Variants in PBX3 observed in about 807,000 individuals in gnomAD.
PBX3 encodes the protein PBX homeobox 3.
A neutral mutation model predicts 48.5 loss-of-function variants in PBX3; 14 were observed. The ratio of observed to expected loss-of-function variants is 0.29; its 90% confidence interval spans 0.19 to 0.45. The LOEUF (loss-of-function observed/expected upper bound fraction) is 0.45. PBX3 is among the 20% of genes least tolerant of loss of function. The probability of loss-of-function intolerance (pLI) is 1.00; values close to 1 mark genes in which losing one functional copy is unlikely to be tolerated. For synonymous variants in PBX3, 210 were observed against 200.3 expected (o/e 1.05, Z -0.41); for missense variants, 386 against 546.7 (o/e 0.71, Z 2.93).
At chr9:125,799,987 G>A (rs1012918942) in intron 2 of PBX3, among the ~76,000 whole-genome samples, 2 of 152,150 alleles carry the variant, frequency 1.3e-5, no homozygotes, top group Non-Finnish European at 2.9e-5. Context: ...CATTGTTTCA[G>A]CAATGCTTAT....
intron 2 of PBX3, among the ~76,000 whole-genome samples, chr9:125,832,712 G>A (rs1346441325): frequency 6.6e-6 from 1 of 152,218 alleles, no homozygotes; most frequent in African/African-American, 2.4e-5. Flanking sequence ...AGATATGATA[G>A]TATTGATCTT....
intron 2 of PBX3, among the ~76,000 whole-genome samples, chr9:125,853,792 T>C (rs1247613918): frequency 6.6e-6 from 1 of 152,198 alleles, no homozygotes; most frequent in Non-Finnish European, 1.5e-5. Context: ...AGTGAATACT[T>C]ATTAGTTTCT....
intron 2 of PBX3, among the ~76,000 whole-genome samples, chr9:125,873,327 T>C (rs888745639): frequency 6.6e-6 from 1 of 151,976 alleles, no homozygotes; most frequent in Non-Finnish European, 1.5e-5. Flanking sequence ...TACGGAAAAA[T>C]TTAATAATAC....
intron 2 of PBX3, among the ~76,000 whole-genome samples, chr9:125,777,380 G>T (rs1166222346): frequency 6.7e-6 from 1 of 149,810 alleles, no homozygotes; most frequent in Non-Finnish European, 1.5e-5. Context: ...TTTTGAAATG[G>T]AGTCTCACCC....
intron 2 of PBX3, among the ~76,000 whole-genome samples, chr9:125,810,102 A>AAT (rs1274627545): frequency 6.6e-6 from 1 of 152,170 alleles, no homozygotes; most frequent in Non-Finnish European, 1.5e-5. Context: ...GCCACATAGG[A>AAT]ATATACAAAG....
chr9:125,958,711 G>A (rs1842362698), intron 5 of PBX3, among the ~76,000 whole-genome samples: 1 of 152,220 alleles, frequency 6.6e-6, no homozygotes. Context: ...CATTGAATTG[G>A]AAGTTGTGGC....
chr9:125,813,168 C>T (rs1331038063), intron 2 of PBX3, among the ~76,000 whole-genome samples: 1 of 151,952 alleles, frequency 6.6e-6, no homozygotes, highest in Non-Finnish European at 1.5e-5. Context: ...GCTTAAAACA[C>T]ATTGTACAGC....
intron 2 of PBX3, among the ~76,000 whole-genome samples, chr9:125,757,129 T>C (rs1448261464): frequency 6.6e-6 from 1 of 152,134 alleles, no homozygotes; most frequent in Non-Finnish European, 1.5e-5. Flanking sequence ...GGGGAGGAAA[T>C]CATTGCATTA....
At chr9:125,810,522 A>G (rs1295662135) in intron 2 of PBX3, among the ~76,000 whole-genome samples, 2 of 152,014 alleles carry the variant, frequency 1.3e-5, no homozygotes, top group Non-Finnish European at 1.5e-5. Context: ...TTCCACTTCT[A>G]AATGTCTTCT....
At chr9:125,783,265 T>G (rs1434102607) in intron 2 of PBX3, among the ~76,000 whole-genome samples, 1 of 152,130 alleles carries the variant, frequency 6.6e-6, no homozygotes, top group African/African-American at 2.4e-5. Flanking sequence ...TGATATTCTC[T>G]TAGGCTCTTT....
At chr9:125,922,142 A>T (rs1037883830) in intron 3 of PBX3, among the ~76,000 whole-genome samples, 2 of 152,228 alleles carry the variant, frequency 1.3e-5, no homozygotes, top group African/African-American at 4.8e-5. Flanking sequence ...ATATGTACAG[A>T]TATTGAGGAG....
At chr9:125,889,984 C>T (rs138883110) in intron 2 of PBX3, among the ~76,000 whole-genome samples, 5,793 of 151,922 alleles carry the variant, frequency 0.038, 388 homozygotes, top group African/African-American at 0.13. Flanking sequence ...TGACCTTAGC[C>T]GGCTGCGGCC....
At chr9:125,771,447 T>C (rs2132002297) in intron 2 of PBX3, among the ~76,000 whole-genome samples, 1 of 152,296 alleles carries the variant, frequency 6.6e-6, no homozygotes, top group African/African-American at 2.4e-5. Context: ...ATGGACAAAG[T>C]TGGTAAATTT....
chr9:125,919,282 C>T (rs1483176086), intron 3 of PBX3, among the ~76,000 whole-genome samples: 2 of 150,780 alleles, frequency 1.3e-5, no homozygotes, highest in Non-Finnish European at 2.9e-5. Flanking sequence ...GGTGCAATCT[C>T]GGCTCACTGC....
Position 125,965,950 on chromosome 9 carries a change from A to C in PBX3, c.*27A>C. ...CTCTGGCCACACTTTTCCCTGAGCT[A>C]CATGCCTTGATAAGTGCATTCAGAG... is the stretch of plus-strand genomic sequence containing the variant. On this transcript the variant is annotated 3_prime_UTR_variant, in exon 9 of 9. Coordinates refer to ENST00000373489, the MANE Select transcript of PBX3 (RefSeq NM_006195.6). The C allele has an allele frequency of 1.3e-6, 2 of 1,551,616 alleles. No individual in the cohort carries two copies. Among genetic ancestry groups the C allele is most frequent in the Non-Finnish European group, 1.8e-6 (2 of 1,122,976 alleles).
chr9:125,757,329 A>G (rs796627627), intron 2 of PBX3, among the ~76,000 whole-genome samples: 1 of 151,946 alleles, frequency 6.6e-6, no homozygotes, highest in African/African-American at 2.4e-5. Flanking sequence ...ATAGTCAGAT[A>G]TATCATTTTC....
At chr9:125,848,827 AT>A (rs1234661127) in intron 2 of PBX3, among the ~76,000 whole-genome samples, 1 of 152,024 alleles carries the variant, frequency 6.6e-6, no homozygotes, top group Admixed American at 6.6e-5. Flanking sequence ...TACCATGTAC[AT>A]TCTGTGATAG....
At chr9:125,791,301 G>GTCTGTCTATCTATCTATCTATCTA (rs1179896723) in intron 2 of PBX3, among the ~76,000 whole-genome samples, 9 of 108,898 alleles carry the variant, frequency 8.3e-5, no homozygotes, top group Non-Finnish European at 1.3e-4. Flanking sequence ...CTGTCTGTCT[G>GTCTGTCTATCTATCTATCTATCTA]TCTATCTATC....
intron 2 of PBX3, among the ~76,000 whole-genome samples, chr9:125,816,369 A>T (rs1202594326): frequency 6.6e-6 from 1 of 152,190 alleles, no homozygotes; most frequent in Non-Finnish European, 1.5e-5. Context: ...ATGGAAATTA[A>T]ACATACATAC....
Sources: gnomAD v4.1 joint callset for allele counts (sites outside exome capture counted in the v4.1 genomes callset) on GRCh38, gnomAD v4.1.1 for gene constraint, MANE v1.5 for transcripts, NCBI Gene and HGNC (gene_info 2026-07-23, HGNC 2026-07-21) for gene names.